The following TEK variants were observed in gnomAD, a reference collection of about 807,000 sequenced individuals.
TEK encodes TEK receptor tyrosine kinase.
TEK carries 43 observed loss-of-function variants against 131.8 expected under a neutral mutation model. That is an observed-to-expected ratio of 0.33 (90% confidence interval 0.26 to 0.42). TEK has a LOEUF of 0.42. TEK is among the 10% of genes least tolerant of loss of function. The pLI, the probability that TEK is intolerant of heterozygous loss-of-function variation, is 1.00. For synonymous variants in TEK, 580 were observed against 491.6 expected, an observed-to-expected ratio of 1.18 and a Z score of -2.38; for missense variants, 1,162 against 1,384.4, an observed-to-expected ratio of 0.84 and a Z score of 2.55.
chr9:27,117,067 G>A (rs1255294042), intron 1 of TEK, among the ~76,000 whole-genome samples: 1 of 151,576 alleles, frequency 6.6e-6, no homozygotes, highest in Non-Finnish European at 1.5e-5. Context: ...TGGTTTCACT[G>A]TGTTAGCCAG....
chr9:27,157,758 G>A, intron 1 of TEK, 73 bp from the exon 2 acceptor site: 1 of 1,517,318 alleles, frequency 6.6e-7, no homozygotes, highest in Non-Finnish European at 9.2e-7. Flanking sequence ...ACAAGGCTTT[G>A]TGAGCACCAG....
At chr9:27,181,272 C>T (rs758757029) in intron 7 of TEK, among the ~76,000 whole-genome samples, 1 of 152,098 alleles carries the variant, frequency 6.6e-6, no homozygotes, top group Non-Finnish European at 1.5e-5. Flanking sequence ...TCATGACATA[C>T]CTTTTTCTTA....
chr9:27,185,902 T>G (rs1035403167), intron 9 of TEK, among the ~76,000 whole-genome samples: 1 of 152,238 alleles, frequency 6.6e-6, no homozygotes. Context: ...TGAGTGTCTC[T>G]GTATTTGCAA....
Position 27,204,903 on chromosome 9 carries a change from C to A in TEK, c.2210-8C>A. 1 of 1,613,804 alleles carries A rather than the reference C, an allele frequency of 6.2e-7. No individual in the cohort carries two copies. On this transcript the variant is annotated splice_region_variant and splice_polypyrimidine_tract_variant and intron_variant, in intron 13 of 22. Coordinates refer to ENST00000380036, the MANE Select transcript of TEK (RefSeq NM_000459.5). Reference sequence around the variant, plus strand: ...AACTACCTGCTTCACCTCTGTCTTCCTGCACAGCACCAGCGGACCTCGGAG... The same window carrying A: ...AACTACCTGCTTCACCTCTGTCTTCATGCACAGCACCAGCGGACCTCGGAG...
At chr9:27,129,611 T>C (rs922395726) in intron 1 of TEK, among the ~76,000 whole-genome samples, 2 of 152,214 alleles carry the variant, frequency 1.3e-5, no homozygotes, top group African/African-American at 4.8e-5. Context: ...CCATCCTTCA[T>C]TGAGCCCCTT....
chr9:27,215,497 G>T (rs1825789317), intron 18 of TEK, among the ~76,000 whole-genome samples: 1 of 151,336 alleles, frequency 6.6e-6, no homozygotes. Context: ...ATCCCCAGAT[G>T]ATTGAGTCCT....
intron 18 of TEK, 90 bp from the exon 19 acceptor site, chr9:27,217,598 C>G: frequency 1.8e-6 from 2 of 1,115,676 alleles, no homozygotes; most frequent in Non-Finnish European, 2.7e-6. Context: ...GTCTACCCAG[C>G]AATCATTTGT....
At chr9:27,121,060 G>A (rs757287755) in intron 1 of TEK, among the ~76,000 whole-genome samples, 4 of 152,152 alleles carry the variant, frequency 2.6e-5, no homozygotes, top group South Asian at 2.1e-4. Context: ...TGTGGCTCAC[G>A]CCTGTAATCC....
chr9:27,221,808 A>T (rs1277614833), intron 21 of TEK, among the ~76,000 whole-genome samples: 3 of 152,200 alleles, frequency 2.0e-5, no homozygotes, highest in Admixed American at 2.0e-4. Context: ...AACCGCTGAA[A>T]ATTCCAAAAA....
At chr9:27,226,571 A>T (rs12340789) in intron 21 of TEK, among the ~76,000 whole-genome samples, 1 of 150,840 alleles carries the variant, frequency 6.6e-6, no homozygotes, top group Non-Finnish European at 1.5e-5. Context: ...TCACACGCCT[A>T]TCGGGGGGTG....
intron 21 of TEK, among the ~76,000 whole-genome samples, chr9:27,223,169 T>C (rs1826160915): frequency 9.5e-6 from 1 of 105,490 alleles, no homozygotes; most frequent in Non-Finnish European, 2.2e-5. Flanking sequence ...TCTCCCACTA[T>C]TATTGTGAGG....
intron 6 of TEK, among the ~76,000 whole-genome samples, chr9:27,176,213 G>C (rs972730372): frequency 6.6e-6 from 1 of 152,134 alleles, no homozygotes; most frequent in African/African-American, 2.4e-5. Flanking sequence ...TTGTACACTG[G>C]CAAGTTTTAT....
intron 1 of TEK, among the ~76,000 whole-genome samples, chr9:27,141,876 A>G (rs983218763): frequency 6.6e-6 from 1 of 152,174 alleles, no homozygotes; most frequent in Non-Finnish European, 1.5e-5. Context: ...ATGGGTTTGG[A>G]TTTTTAGTTA....
chr9:27,178,032 C>G (rs1026162892), intron 6 of TEK, among the ~76,000 whole-genome samples: 3 of 152,132 alleles, frequency 2.0e-5, no homozygotes, highest in African/African-American at 7.2e-5. Context: ...CCAAAAAAAT[C>G]ATTGCCCGGA....
At chr9:27,226,331 C>T (rs1304784771) in intron 21 of TEK, among the ~76,000 whole-genome samples, 2 of 152,182 alleles carry the variant, frequency 1.3e-5, no homozygotes, top group African/African-American at 4.8e-5. Context: ...GGAACCAACC[C>T]AAATGCCCAT....
Position 27,197,578 on chromosome 9 carries a change from A to G in TEK, c.1888A>G (p.Thr630Ala). 6.2e-7 allele frequency: 1 copy of G among 1,613,790 alleles called. No individual in the cohort carries two copies. Among genetic ancestry groups the G allele is most frequent in the Non-Finnish European group, 8.5e-7 (1 of 1,179,860 alleles). ...KAQGEWSEDL[T>A]AWTLSDILPP... is the part of the protein sequence containing the mutation. The stretch of plus-strand genomic sequence containing the variant: ...CCAGGGGGAATGGAGTGAAGATCTC[A>G]CTGCTTGGACCCTTAGTGACAGTAA... The change falls in exon 12 of 23, where the codon ACT (threonine) becomes GCT (alanine). Residue 630 changes from threonine to alanine, a missense_variant. Physicochemically the swap from Thr to Ala is moderately conservative, Grantham distance 58. Coordinates refer to ENST00000380036, the MANE Select transcript of TEK (RefSeq NM_000459.5).
intron 10 of TEK, among the ~76,000 whole-genome samples, chr9:27,192,259 G>GCACCA (rs1824848667): frequency 6.6e-6 from 1 of 152,074 alleles, no homozygotes; most frequent in Admixed American, 6.6e-5. Context: ...ATGTGTAAGT[G>GCACCA]GCACAGAAAT....
intron 1 of TEK, among the ~76,000 whole-genome samples, chr9:27,147,705 A>C (rs1822978548): frequency 6.6e-6 from 1 of 152,064 alleles, no homozygotes; most frequent in South Asian, 2.1e-4. Context: ...ATATACCTAA[A>C]GTTTTGTATT....
chr9:27,224,782 A>C (rs1826243426), intron 21 of TEK, among the ~76,000 whole-genome samples: 1 of 152,118 alleles, frequency 6.6e-6, no homozygotes, highest in Admixed American at 6.6e-5. Flanking sequence ...GAAAGAAAGA[A>C]AGGGCATTCA....
Sources: gnomAD v4.1 joint callset for allele counts (sites outside exome capture counted in the v4.1 genomes callset) on GRCh38, gnomAD v4.1.1 for gene constraint, MANE v1.5 for transcripts, NCBI Gene and HGNC (gene_info 2026-07-23, HGNC 2026-07-21) for gene names.